SH3RF3: variants seen among roughly 807,000 people sequenced by gnomAD.
The protein encoded by SH3RF3 is SH3 domain containing ring finger 3.
SH3RF3 carries 29 observed loss-of-function variants against 66.3 expected under a neutral mutation model. The observed-to-expected ratio is 0.44, with a 90% confidence interval of 0.33 to 0.60. The LOEUF (loss-of-function observed/expected upper bound fraction) is 0.60. SH3RF3 is among the 20% of genes least tolerant of loss of function. The pLI, the probability that SH3RF3 is intolerant of heterozygous loss-of-function variation, is 0.04. For synonymous variants in SH3RF3, 583 were observed against 532.0 expected (o/e 1.10, Z -1.32); for missense variants, 1,194 against 1,190.9 (o/e 1.00, Z -0.04).
At position 109,500,714 on chromosome 2, in the gene SH3RF3, T is replaced by C. The variant is rs551891298; in HGVS notation, c.2481-789T>C. Among the ~76,000 whole-genome samples, 126 of 152,230 alleles carry C rather than the reference T, an allele frequency of 8.3e-4. 1 individual carries two copies. The highest frequency in any genetic ancestry group is 2.9e-3 in the African/African-American group (122 of 41,546). Reference sequence around the variant, plus strand: ...TCGTAATCCCAGCACTTGGAGAGCCTGAGGCCAGCGGATCACTTGCACTCA... The same window carrying C: ...TCGTAATCCCAGCACTTGGAGAGCCCGAGGCCAGCGGATCACTTGCACTCA... On this transcript the variant is annotated intron_variant, in intron 9 of 9. Transcript: ENST00000309415.
chr2:109,460,283 G>A (rs1385361856), intron 8 of SH3RF3, among the ~76,000 whole-genome samples: 1 of 152,052 alleles, frequency 6.6e-6, no homozygotes, highest in Non-Finnish European at 1.5e-5. Flanking sequence ...ATTCCAGGAA[G>A]GACAAAACAC....
intron 1 of SH3RF3, among the ~76,000 whole-genome samples, chr2:109,339,281 G>T (rs911322226): frequency 7.9e-5 from 12 of 151,756 alleles, no homozygotes; most frequent in East Asian, 1.9e-4. Flanking sequence ...GCTGTTTTTT[G>T]GGGGGGTGGG....
intron 4 of SH3RF3, among the ~76,000 whole-genome samples, chr2:109,419,230 A>C (rs1676806117): frequency 6.6e-6 from 1 of 152,182 alleles, no homozygotes; most frequent in Non-Finnish European, 1.5e-5. Flanking sequence ...AATTAATTCA[A>C]GGTCTAAGAA....
intron 1 of SH3RF3, among the ~76,000 whole-genome samples, chr2:109,329,936 A>G (rs1682247640): frequency 6.6e-6 from 1 of 152,222 alleles, no homozygotes; most frequent in Non-Finnish European, 1.5e-5. Flanking sequence ...ATAAACTGCA[A>G]CTTTCTTCAA....
At chr2:109,181,032 C>T (rs1322091421) in intron 1 of SH3RF3, among the ~76,000 whole-genome samples, 2 of 152,176 alleles carry the variant, frequency 1.3e-5, no homozygotes, top group Non-Finnish European at 2.9e-5. Flanking sequence ...TTGACAAAGT[C>T]CTTTGATGGC....
At position 109,466,227 on chromosome 2, in the gene SH3RF3, C is replaced by T. The variant is rs184448533; in HGVS notation, c.2148+16738C>T. On this transcript the variant is annotated intron_variant, in intron 8 of 9. Transcript: ENST00000309415. ...CCTCCCGAGTAGCTGGGACTACAGGCGCGTGCCACCACACCCAGCTAATTT... is the reference window on the plus strand; with the variant it reads ...CCTCCCGAGTAGCTGGGACTACAGGTGCGTGCCACCACACCCAGCTAATTT... Among the ~76,000 whole-genome samples, 779 of 152,016 alleles carry T rather than the reference C, an allele frequency of 5.1e-3. 5 individuals are homozygous for T. The highest frequency in any genetic ancestry group is 0.034 in the Middle Eastern group (10 of 294).
intron 9 of SH3RF3, among the ~76,000 whole-genome samples, chr2:109,499,953 A>T (rs1477720740): frequency 6.6e-6 from 1 of 152,136 alleles, no homozygotes; most frequent in Non-Finnish European, 1.5e-5. Context: ...GGGAGCAGGG[A>T]GGCAGCGAGT....
chr2:109,455,496 T>TAA (rs1315935107), intron 8 of SH3RF3, among the ~76,000 whole-genome samples: 1 of 150,784 alleles, frequency 6.6e-6, no homozygotes, highest in African/African-American at 2.4e-5. Context: ...ACCCACCCAT[T>TAA]AAATATATGT....
intron 1 of SH3RF3, among the ~76,000 whole-genome samples, chr2:109,258,971 G>A (rs555046794): frequency 2.6e-5 from 4 of 152,326 alleles, no homozygotes; most frequent in African/African-American, 4.8e-5. Context: ...CGGGGCATCC[G>A]CATGCCCTCT....
intron 1 of SH3RF3, among the ~76,000 whole-genome samples, chr2:109,233,124 T>TA (rs1442028028): frequency 6.6e-6 from 1 of 152,180 alleles, no homozygotes; most frequent in Non-Finnish European, 1.5e-5. Flanking sequence ...AATGCTCCTT[T>TA]AGCAGTTGCT....
intron 4 of SH3RF3, among the ~76,000 whole-genome samples, chr2:109,406,919 C>T (rs977125880): frequency 4.6e-5 from 7 of 152,196 alleles, no homozygotes; most frequent in Admixed American, 6.5e-5. Flanking sequence ...TGAGGAGAAC[C>T]GTCCCCAGGT....
At chr2:109,488,982 C>T (rs1034217723) in intron 8 of SH3RF3, among the ~76,000 whole-genome samples, 1 of 152,182 alleles carries the variant, frequency 6.6e-6, no homozygotes, top group African/African-American at 2.4e-5. Context: ...CCAGAACTCC[C>T]CATGGACTGT....
At chr2:109,354,009 C>A (rs1046822768) in intron 2 of SH3RF3, among the ~76,000 whole-genome samples, 1 of 152,134 alleles carries the variant, frequency 6.6e-6, no homozygotes, top group Non-Finnish European at 1.5e-5. Flanking sequence ...GACAGCAGGA[C>A]AAAGATGCAG....
At chr2:109,498,624 A>G (rs1232078771) in intron 9 of SH3RF3, among the ~76,000 whole-genome samples, 1 of 152,192 alleles carries the variant, frequency 6.6e-6, no homozygotes, top group Non-Finnish European at 1.5e-5. Context: ...AGCTGCTGAA[A>G]ATCCACATTC....
intron 8 of SH3RF3, among the ~76,000 whole-genome samples, chr2:109,464,744 C>A (rs886490317): frequency 2.0e-5 from 3 of 152,220 alleles, no homozygotes; most frequent in Non-Finnish European, 2.9e-5. Flanking sequence ...CACACATGCA[C>A]AATCTCTTCT....
rs182300851 is a variant in SH3RF3, at chr2:109,261,161, A to G, written c.574-86513A>G. ...AGCCTTCTGTTGTGTGGACACATCA[A>G]CATTTCTGGCTCTGTCACACAGGTA... On this transcript the variant is annotated intron_variant, in intron 1 of 9. Transcript: ENST00000309415. Among the ~76,000 whole-genome samples the G allele has an allele frequency of 4.3e-3, 652 of 152,208 alleles. 1 individual carries two copies. Among genetic ancestry groups the G allele is most frequent in the South Asian group, 6.8e-3 (33 of 4,820 alleles).
chr2:109,419,317 G>A (rs1013247224), intron 4 of SH3RF3, among the ~76,000 whole-genome samples: 11 of 152,174 alleles, frequency 7.2e-5, no homozygotes, highest in African/African-American at 2.4e-4. Flanking sequence ...AAGGCTCCCT[G>A]AGCTGCTGGG....
chr2:109,493,280 C>G (rs1178698930), intron 9 of SH3RF3, among the ~76,000 whole-genome samples: 1 of 134,886 alleles, frequency 7.4e-6, no homozygotes, highest in South Asian at 2.4e-4. Flanking sequence ...CCACGTACAC[C>G]ATAGAAACAC....
At chr2:109,369,497 TG>T (rs993749753) in intron 2 of SH3RF3, among the ~76,000 whole-genome samples, 1 of 152,278 alleles carries the variant, frequency 6.6e-6, no homozygotes, top group Non-Finnish European at 1.5e-5. Flanking sequence ...TACGTTTTTC[TG>T]GCCTATAATG....
Sources: gnomAD v4.1 joint callset for allele counts (sites outside exome capture counted in the v4.1 genomes callset) on GRCh38, gnomAD v4.1.1 for gene constraint, MANE v1.5 for transcripts, NCBI Gene and HGNC (gene_info 2026-07-23, HGNC 2026-07-21) for gene names.